The following SARM1 variants were observed in gnomAD, a reference collection of about 807,000 sequenced individuals.
The protein encoded by SARM1 is sterile alpha and TIR motif containing 1.
Under a neutral mutation model 65.1 loss-of-function variants are expected in SARM1, and 60 were observed. That is an observed-to-expected ratio of 0.92 (90% CI 0.75 to 1.14). The LOEUF is 1.14. Among genes scored for constraint, SARM1 ranks in the 50% most tolerant of loss-of-function variants. SARM1 has a pLI of 0.00. For missense variants in SARM1, 913 were observed against 1,015.7 expected, an observed-to-expected ratio of 0.90 and a Z score of 1.37; for synonymous variants, 417 against 465.4, an observed-to-expected ratio of 0.90 and a Z score of 1.34.
chr17:28,402,239 C>G lies in SARM1; in HGVS notation c.*5953C>G. The G allele has an allele frequency of 6.2e-7, 1 of 1,612,466 alleles. No homozygotes were observed. The highest frequency in any genetic ancestry group is 8.5e-7 in the Non-Finnish European group (1 of 1,179,240). On this transcript the variant is annotated 3_prime_UTR_variant, in exon 9 of 9. Coordinates refer to ENST00000585482, the MANE Select transcript of SARM1 (RefSeq NM_015077.4). ...ACACAGGTGGGTTCTGACACTCACC[C>G]TGCTCTGTCTCTCTCACCAGCTTGG...
chr17:28,376,175 G>C (rs1597815793), intron 1 of SARM1, among the ~76,000 whole-genome samples: 1 of 152,096 alleles, frequency 6.6e-6, no homozygotes. Flanking sequence ...GGGGCATCAG[G>C]AGACTCAAAA....
Position 28,401,205 on chromosome 17 carries a change from G to A in SARM1, c.*4919G>A, listed in dbSNP as rs547413747. 1 of 202,228 alleles carries A rather than the reference G, an allele frequency of 4.9e-6. No homozygotes were observed. The allele number at this position is 202,228 out of a possible 1,614,324, so 12.5% of individuals were successfully genotyped here. A position where few individuals can be genotyped will look rare whatever the true frequency, so the allele number is the denominator to read the frequency against. ...ATAGCTTCTTATCCTTTGGGTTCCT[G>A]TTCCTCCTTCTGCTAAATAAGGATA... is the stretch of plus-strand genomic sequence containing the variant. On this transcript the variant is annotated 3_prime_UTR_variant, in exon 9 of 9. Coordinates refer to ENST00000585482, the MANE Select transcript of SARM1 (RefSeq NM_015077.4).
At position 28,385,667 on chromosome 17, in the gene SARM1, G is replaced by C. The variant is rs2068047378; in HGVS notation, c.1630+392G>C. On this transcript the variant is annotated intron_variant, in intron 5 of 8. Coordinates refer to ENST00000585482, the MANE Select transcript of SARM1 (RefSeq NM_015077.4). This position sits in a 1 kb window ranked among gnomAD's most constrained non-coding sequence, Gnocchi z 4.5. ...GGGTGGCAACAGGAAGGGCAGCCCAGGCAGAGGCAGCGGCCTATGGAGAGT... is the reference window on the plus strand; with the variant it reads ...GGGTGGCAACAGGAAGGGCAGCCCACGCAGAGGCAGCGGCCTATGGAGAGT... Among the ~76,000 whole-genome samples the C allele has an allele frequency of 6.6e-6, 1 of 152,100 alleles. No homozygotes were observed. The highest frequency in any genetic ancestry group is 2.1e-4 in the South Asian group (1 of 4,820).
rs1426022104 is a variant in SARM1 at position 28,371,997 on chromosome 17, C to G, written c.-36C>G. The G allele has an allele frequency of 7.0e-7, 1 of 1,423,178 alleles. No individual in the cohort carries two copies. Among genetic ancestry groups the G allele is most frequent in the Admixed American group, 2.9e-5 (1 of 34,798 alleles). The allele number at this position is 1,423,178 out of a possible 1,614,324, so 88.2% of individuals were successfully genotyped here. A position where few individuals can be genotyped will look rare whatever the true frequency, so the allele number is the denominator to read the frequency against. On this transcript the variant is annotated 5_prime_UTR_variant, in exon 1 of 9. Transcript: ENST00000585482. ...CCCGGGTCTCTCCGCGTGGCCCCGC[C>G]TCCAGGCCGGGGATGTCCCCCGCGG...
At chr17:28,378,731 C>T (rs137932182) in intron 1 of SARM1, among the ~76,000 whole-genome samples, 45 of 152,088 alleles carry the variant, frequency 3.0e-4, no homozygotes, top group African/African-American at 1.1e-3. Flanking sequence ...AATCATGACT[C>T]GCTGTAGCCT....
At chr17:28,375,266 A>C (rs2142423341) in intron 1 of SARM1, among the ~76,000 whole-genome samples, 1 of 152,336 alleles carries the variant, frequency 6.6e-6, no homozygotes, top group African/African-American at 2.4e-5. Flanking sequence ...TTTCCCAGGA[A>C]TATTCAATGA....
At chr17:28,395,095 C>T (rs1279194228) in intron 7 of SARM1, 1 of 151,784 alleles carries the variant, frequency 6.6e-6, no homozygotes, top group Non-Finnish European at 1.5e-5. Flanking sequence ...CCTGTCAAGG[C>T]TCAGAATAAC....
chr17:28,380,521 GC>G (rs2068016766), intron 1 of SARM1, among the ~76,000 whole-genome samples: 1 of 152,108 alleles, frequency 6.6e-6, no homozygotes, highest in Non-Finnish European at 1.5e-5. Context: ...TTCCTCCATC[GC>G]CCTGAGGATA....
Position 28,399,808 on chromosome 17 carries a change from C to T in SARM1, c.*3522C>T. On this transcript the variant is annotated 3_prime_UTR_variant, in exon 9 of 9. Transcript: ENST00000585482. The stretch of plus-strand genomic sequence containing the variant: ...ACAGGATTTACTGGGGTGGGCTGGT[C>T]CAGGTAGCTCTCCTGAACCTCCTCC... The T allele has an allele frequency of 7.7e-7, 1 of 1,294,896 alleles. No individual in the cohort carries two copies. The highest frequency in any genetic ancestry group is 1.1e-6 in the Non-Finnish European group (1 of 895,972). The allele number at this position is 1,294,896 out of a possible 1,614,324, so 80.2% of individuals were successfully genotyped here. A position where few individuals can be genotyped will look rare whatever the true frequency, so the allele number is the denominator to read the frequency against.
rs41297909 is a variant in SARM1, at chr17:28,398,413, T to C, written c.*2127T>C. The C allele has an allele frequency of 5.2e-3, 796 of 152,380 alleles. 11 individuals are homozygous for C. The highest frequency in any genetic ancestry group is 0.029 in the Admixed American group (438 of 15,298). The allele number at this position is 152,380 out of a possible 1,614,324, so 9.4% of individuals were successfully genotyped here. ...AGCCTCCTCTAAGCCAAGGCCAGTGTGTTCAGAGGTGACTGCCACCCATAC... is the reference window on the plus strand; with the variant it reads ...AGCCTCCTCTAAGCCAAGGCCAGTGCGTTCAGAGGTGACTGCCACCCATAC... On this transcript the variant is annotated 3_prime_UTR_variant, in exon 9 of 9. Transcript: ENST00000585482.
In SARM1 at chr17:28,384,739, G is replaced by T; in HGVS notation, c.1303-100G>T. ...CTCGGCTCTGATCTAGGTCCCATCC[G>T]CCTCCTCCACGCCATCTCCAGTTCC... On this transcript the variant is annotated intron_variant, in intron 3 of 8. Transcript: ENST00000585482. This position sits in a 1 kb window ranked among gnomAD's most constrained non-coding sequence, Gnocchi z 4.4. 1.6e-6 allele frequency: 2 copies of T among 1,270,668 alleles called. No individual in the cohort carries two copies. Among genetic ancestry groups the T allele is most frequent in the Non-Finnish European group, 2.2e-6 (2 of 897,384 alleles). 78.7% of individuals were successfully genotyped at this position (1,270,668 alleles called of 1,614,324 possible). A position where few individuals can be genotyped will look rare whatever the true frequency, so the allele number is the denominator to read the frequency against.
rs1326014476 is a variant in SARM1, at chr17:28,372,741, T to G, written c.470+239T>G. Reference sequence around the variant, plus strand: ...AGATTTGCTCCCAGGGCTAGTGGGGTGAGGAATGGAGTTACAGGACAGGAG... The same window carrying G: ...AGATTTGCTCCCAGGGCTAGTGGGGGGAGGAATGGAGTTACAGGACAGGAG... On this transcript the variant is annotated intron_variant, in intron 1 of 8. Transcript: ENST00000585482. This position sits in a 1 kb window ranked among gnomAD's most constrained non-coding sequence, Gnocchi z 5.2. Among the ~76,000 whole-genome samples the G allele has an allele frequency of 6.6e-6, 1 of 152,084 alleles. No individual in the cohort carries two copies. Among genetic ancestry groups the G allele is most frequent in the Non-Finnish European group, 1.5e-5 (1 of 68,016 alleles).
chr17:28,376,741 A>G (rs780489665), intron 1 of SARM1, among the ~76,000 whole-genome samples: 1 of 152,096 alleles, frequency 6.6e-6, no homozygotes, highest in Non-Finnish European at 1.5e-5. Flanking sequence ...AAGTACTGGA[A>G]TTACAGACAT....
chr17:28,383,654 G>A (rs1486593426), intron 2 of SARM1, among the ~76,000 whole-genome samples: 6 of 152,196 alleles, frequency 3.9e-5, no homozygotes, highest in Non-Finnish European at 4.4e-5. Flanking sequence ...AAGACATCTC[G>A]AGTCCCACTC....
rs374297439 is a variant in SARM1, at chr17:28,396,287, C to G, written c.*1C>G. ...TGCTGCACCCATGGGTCCAACCTAA[C>G]CAGTCCCCAGTTCCCCAGCCCTGCT... On this transcript the variant is annotated 3_prime_UTR_variant, in exon 9 of 9. Coordinates refer to ENST00000585482, the MANE Select transcript of SARM1 (RefSeq NM_015077.4). 774 of 1,613,784 alleles carry G rather than the reference C, an allele frequency of 4.8e-4. No individual in the cohort carries two copies. Among genetic ancestry groups the G allele is most frequent in the Non-Finnish European group, 6.3e-4 (744 of 1,179,852 alleles).
At chr17:28,393,663 C>T (rs1555587228) in intron 7 of SARM1, among the ~76,000 whole-genome samples, 1 of 152,082 alleles carries the variant, frequency 6.6e-6, no homozygotes, top group African/African-American at 2.4e-5. Context: ...CAGTGCAAAC[C>T]CCGATTTGAT....
In SARM1 at chr17:28,398,743, G is replaced by T. The variant is rs1157595360; in HGVS notation, c.*2457G>T. The T allele has an allele frequency of 2.6e-5, 4 of 152,280 alleles. No homozygotes were observed. The highest frequency in any genetic ancestry group is 9.6e-5 in the African/African-American group (4 of 41,464). 9.4% of individuals were successfully genotyped at this position (152,280 alleles called of 1,614,324 possible). On this transcript the variant is annotated 3_prime_UTR_variant, in exon 9 of 9. Coordinates refer to ENST00000585482, the MANE Select transcript of SARM1 (RefSeq NM_015077.4). ...AGGCATCTCATTGTAGAATGTATGA[G>T]GAAGTGGGAAGTATCTCAGAGAATC... is the stretch of plus-strand genomic sequence containing the variant.
chr17:28,399,819 T>C lies in SARM1; in HGVS notation c.*3533T>C. 9.4e-7 allele frequency: 1 copy of C among 1,058,390 alleles called. No homozygotes were observed. Among genetic ancestry groups the C allele is most frequent in the East Asian group, 2.4e-5 (1 of 41,598 alleles). 65.6% of individuals were successfully genotyped at this position (1,058,390 alleles called of 1,614,324 possible). ...TGGGGTGGGCTGGTCCAGGTAGCTCTCCTGAACCTCCTCCTTCCCCAAGCT... is the reference window on the plus strand; with the variant it reads ...TGGGGTGGGCTGGTCCAGGTAGCTCCCCTGAACCTCCTCCTTCCCCAAGCT... On this transcript the variant is annotated 3_prime_UTR_variant, in exon 9 of 9. Coordinates refer to ENST00000585482, the MANE Select transcript of SARM1 (RefSeq NM_015077.4).
Position 28,399,549 on chromosome 17 carries a change from A to C in SARM1, c.*3263A>C. The stretch of plus-strand genomic sequence containing the variant: ...CTCGTCCAAAGAGAGCACTGCCCTT[A>C]GACAAGAGTTGCTTGTCCTGCTGTG... On this transcript the variant is annotated 3_prime_UTR_variant, in exon 9 of 9. Transcript: ENST00000585482. 1 of 1,155,314 alleles carries C rather than the reference A, an allele frequency of 8.7e-7. No individual in the cohort carries two copies. The highest frequency in any genetic ancestry group is 1.3e-6 in the Non-Finnish European group (1 of 780,946). 71.6% of individuals were successfully genotyped at this position (1,155,314 alleles called of 1,614,324 possible).
Sources: allele counts gnomAD v4.1 joint callset (sites outside exome capture counted in the v4.1 genomes callset), GRCh38; gene constraint gnomAD v4.1.1; non-coding constraint Gnocchi (gnomAD v3.1); transcripts MANE v1.5; gene names NCBI Gene and HGNC (gene_info 2026-07-23, HGNC 2026-07-21).